The following HELLS variants were observed in gnomAD, a reference collection of about 807,000 sequenced individuals.
HELLS encodes the protein helicase, lymphoid specific.
HELLS carries 32 observed loss-of-function variants against 120.0 expected under a neutral mutation model. That is an observed-to-expected ratio of 0.27 (90% CI 0.20 to 0.36). The LOEUF (loss-of-function observed/expected upper bound fraction) is 0.36. Ranked by LOEUF, HELLS falls within the 10% of genes least tolerant of loss-of-function variation. HELLS has a pLI of 1.00. For missense variants in HELLS, 650 were observed against 993.4 expected (o/e 0.65, Z 4.65); for synonymous variants, 341 against 323.4 (o/e 1.05, Z -0.58).
At chr10:94,588,495 G>A in intron 13 of HELLS, 105 bp downstream of exon 13, 2 of 810,688 alleles carry the variant, frequency 2.5e-6, no homozygotes, top group Non-Finnish European at 3.8e-6. Flanking sequence ...CCAGGCTGTG[G>A]TGCAGTGGCA....
At chr10:94,559,400 A>C (rs1312988729) in intron 4 of HELLS, among the ~76,000 whole-genome samples, 1 of 151,638 alleles carries the variant, frequency 6.6e-6, no homozygotes, top group African/African-American at 2.4e-5. Context: ...CATGAGGTAC[A>C]GTGCTGTTGG....
chr10:94,586,577 A>T (rs934305757), intron 12 of HELLS, among the ~76,000 whole-genome samples: 2 of 152,192 alleles, frequency 1.3e-5, no homozygotes, highest in African/African-American at 4.8e-5. Context: ...TTGGGTATTT[A>T]AGTCCAGAGT....
chr10:94,560,138 T>C (rs568714345), intron 4 of HELLS, among the ~76,000 whole-genome samples: 2 of 152,076 alleles, frequency 1.3e-5, no homozygotes, highest in African/African-American at 4.8e-5. Flanking sequence ...GTTGAAGCAA[T>C]TCTCTGCCTC....
At chr10:94,554,644 G>GTTTTTTTTGTT (rs1843155661) in intron 3 of HELLS, among the ~76,000 whole-genome samples, 1 of 103,072 alleles carries the variant, frequency 9.7e-6, no homozygotes, top group Non-Finnish European at 2.0e-5. Context: ...AAGTAATAGT[G>GTTTTTTTTGTT]TTTTTTTTTT....
intron 4 of HELLS, among the ~76,000 whole-genome samples, chr10:94,559,593 G>A (rs540473901): frequency 5.3e-5 from 8 of 151,498 alleles, no homozygotes; most frequent in South Asian, 2.1e-4. Context: ...CTACAGGTGC[G>A]CGCCACCATG....
chr10:94,597,523 A>T (rs1308036080), intron 21 of HELLS, among the ~76,000 whole-genome samples: 1 of 151,970 alleles, frequency 6.6e-6, no homozygotes, highest in Admixed American at 6.6e-5. Context: ...TAACACGATG[A>T]TTTATTTTAT....
At chr10:94,585,984 A>G (rs1845123469) in intron 12 of HELLS, among the ~76,000 whole-genome samples, 1 of 152,198 alleles carries the variant, frequency 6.6e-6, no homozygotes, top group African/African-American at 2.4e-5. Context: ...TCAGCGGTAT[A>G]GTGTGCCTCT....
intron 7 of HELLS, among the ~76,000 whole-genome samples, chr10:94,572,270 A>ACAGT (rs59606913): frequency 0.38 from 58,148 of 151,646 alleles, 11,478 homozygotes; most frequent in East Asian, 0.68. Flanking sequence ...TTTATAACTT[A>ACAGT]CAGTCAGTAA....
intron 2 of HELLS, among the ~76,000 whole-genome samples, chr10:94,548,315 T>G (rs1842835297): frequency 6.6e-6 from 1 of 152,226 alleles, no homozygotes; most frequent in Non-Finnish European, 1.5e-5. Context: ...CTGGGGCAAG[T>G]GCCCAGAATG....
chr10:94,558,602 A>C (rs7922956), intron 4 of HELLS, among the ~76,000 whole-genome samples: 1 of 150,182 alleles, frequency 6.7e-6, no homozygotes, highest in Non-Finnish European at 1.5e-5. Context: ...CTCTTACTCT[A>C]TTTTTTTTTT....
In HELLS at chr10:94,597,113, TA is replaced by T; in HGVS notation, c.2422+4del. On this transcript the variant is annotated splice_donor_region_variant and intron_variant, in intron 21 of 21. Transcript: ENST00000348459. ...TGTTAGATCGAAGTGATCTTATTGG[TA>T]AGTATTATGCTTTTTTTTAATGGAA... The T allele has an allele frequency of 6.4e-7, 1 of 1,551,608 alleles. No homozygotes were observed. Among genetic ancestry groups the T allele is most frequent in the Non-Finnish European group, 8.9e-7 (1 of 1,125,844 alleles).
rs936312265 is a variant in HELLS, at chr10:94,566,410, G to T, written c.435+3534G>T. On this transcript the variant is annotated intron_variant, in intron 6 of 21. Transcript: ENST00000348459. ...ATTGAACAAATATCCAGGGTCAAGAGAGACTGGCAGTTTCAAAAAACTTGA... is the reference window on the plus strand; with the variant it reads ...ATTGAACAAATATCCAGGGTCAAGATAGACTGGCAGTTTCAAAAAACTTGA... Among the ~76,000 whole-genome samples, 15 of 152,264 alleles carry T rather than the reference G, an allele frequency of 9.9e-5. No individual in the cohort carries two copies. The Middle Eastern group carries it at 0.01, about 104-fold the overall frequency.
intron 1 of HELLS, among the ~76,000 whole-genome samples, 172 bp from the exon 2 acceptor site, chr10:94,546,205 T>A (rs143190571): frequency 6.6e-6 from 1 of 152,270 alleles, no homozygotes; most frequent in Non-Finnish European, 1.5e-5. Context: ...TCCAGGCGAC[T>A]TGTAGACATT....
chr10:94,558,341 T>TA, intron 4 of HELLS, 146 bp downstream of exon 4: 1 of 996,762 alleles, frequency 1.0e-6, no homozygotes, highest in Non-Finnish European at 1.4e-6. Flanking sequence ...CAGAAACATG[T>TA]AAAATCTGTT....
intron 10 of HELLS, 34 bp from the exon 11 acceptor site, chr10:94,581,292 G>T: frequency 7.5e-7 from 1 of 1,339,012 alleles, no homozygotes; most frequent in Non-Finnish European, 1.0e-6. Context: ...TGAGATCATT[G>T]TTTAAAAATC....
chr10:94,577,828 G>A (rs567045400), intron 10 of HELLS, among the ~76,000 whole-genome samples: 17 of 152,110 alleles, frequency 1.1e-4, no homozygotes, highest in African/African-American at 3.4e-4. Context: ...TTGGGAGGCC[G>A]AGGCGGGTGG....
chr10:94,554,078 G>A (rs556828408), intron 2 of HELLS, 48 bp from the exon 3 acceptor site: 2 of 1,467,242 alleles, frequency 1.4e-6, no homozygotes, highest in African/African-American at 1.5e-5. Context: ...AAAAAATTAA[G>A]GTATGTCAGA....
intron 7 of HELLS, among the ~76,000 whole-genome samples, chr10:94,572,625 A>C (rs1169104735): frequency 6.6e-6 from 1 of 152,146 alleles, no homozygotes; most frequent in African/African-American, 2.4e-5. Flanking sequence ...TTTATGAGTA[A>C]GGTTGCTATG....
rs192368418 is a variant in HELLS, at chr10:94,553,688, A to G, written c.154-438A>G. 2.1e-4 allele frequency among the ~76,000 whole-genome samples: 31 copies of G among 150,064 alleles called. No individual in the cohort carries two copies. The East Asian group carries it at 6.1e-3, about 30-fold the overall frequency. On this transcript the variant is annotated intron_variant, in intron 2 of 21. Coordinates refer to ENST00000348459, the MANE Select transcript of HELLS (RefSeq NM_018063.5). The stretch of plus-strand genomic sequence containing the variant: ...CTCAGCCTCCCAAGTAGCTGGGATT[A>G]CAGGCATGCACCACCACGCCTGGCT...
Sources: gnomAD v4.1 joint callset for allele counts (sites outside exome capture counted in the v4.1 genomes callset) on GRCh38, gnomAD v4.1.1 for gene constraint, MANE v1.5 for transcripts, NCBI Gene and HGNC (gene_info 2026-07-23, HGNC 2026-07-21) for gene names.